BRWD1: variants seen among roughly 807,000 people sequenced by gnomAD.
BRWD1 encodes the protein bromodomain and WD repeat-containing protein 1.
In BRWD1, 82 loss-of-function variants were observed where a neutral mutation model predicts 251.2. That is an observed-to-expected ratio of 0.33 (90% CI 0.27 to 0.39). The LOEUF (loss-of-function observed/expected upper bound fraction) is 0.39. Ranked by LOEUF, BRWD1 falls within the 10% of genes least tolerant of loss-of-function variation. The pLI, the probability that BRWD1 is intolerant of heterozygous loss-of-function variation, is 1.00. For synonymous variants in BRWD1, 918 were observed against 902.8 expected (o/e 1.02, Z -0.30); for missense variants, 2,233 against 2,711.6 (o/e 0.82, Z 3.92).
chr21:39,271,485 T>C (rs538244711), intron 13 of BRWD1, among the ~76,000 whole-genome samples: 15 of 151,068 alleles, frequency 9.9e-5, no homozygotes, highest in African/African-American at 3.6e-4. Flanking sequence ...GTCAGGAGAT[T>C]GAGACCATCC....
chr21:39,314,456 A>T (rs9981349), upstream of BRWD1: 1 of 394,334 alleles, frequency 2.5e-6, no homozygotes, highest in Non-Finnish European at 5.1e-6. Context: ...GGTGGTGCAG[A>T]CGGGCCGCAG....
chr21:39,276,285 T>A, intron 11 of BRWD1, 72 bp from the exon 12 acceptor site: 1 of 1,421,940 alleles, frequency 7.0e-7, no homozygotes, highest in Non-Finnish European at 9.6e-7. Flanking sequence ...AATGAAGTTT[T>A]AATGCTAGAA....
intron 37 of BRWD1, among the ~76,000 whole-genome samples, chr21:39,202,867 T>C (rs1164091859): frequency 1.3e-5 from 2 of 152,218 alleles, no homozygotes; most frequent in Non-Finnish European, 2.9e-5. Context: ...AATATAGGTA[T>C]TCATTCATAC....
rs2035947209 is a variant in BRWD1 at position 39,295,809 on chromosome 21, C to T, written c.543G>A (p.Arg181=). ...AAACAGCAGATAGATGTCCGAGAAT[C>T]CTTCTGTGCATTTTTATATGCTGAT... ...TMYQHIKMHR[R]ILGHLSAVYC... is the part of the protein sequence containing the mutation. Residue 181 remains arginine, a synonymous_variant, in exon 7 of 41, where the codon AGG becomes AGA. Coordinates refer to ENST00000342449, the MANE Select transcript of BRWD1 (RefSeq NM_033656.4). 2.5e-6 allele frequency: 4 copies of T among 1,612,198 alleles called. No individual in the cohort carries two copies. The highest frequency in any genetic ancestry group is 3.4e-6 in the Non-Finnish European group (4 of 1,178,824).
chr21:39,238,958 C>T (rs903874608), intron 21 of BRWD1, among the ~76,000 whole-genome samples: 2 of 152,058 alleles, frequency 1.3e-5, no homozygotes, highest in Admixed American at 1.3e-4. Flanking sequence ...GGTAGCTTTT[C>T]ATATGGTTAT....
chr21:39,212,638 C>G, intron 34 of BRWD1, 28 bp downstream of exon 34: 1 of 1,508,976 alleles, frequency 6.6e-7, no homozygotes, highest in Non-Finnish European at 9.1e-7. Context: ...AAAGAAACTA[C>G]AAAAGTCAAC....
At chr21:39,274,580 G>A (rs1172720546) in intron 12 of BRWD1, 108 bp from the exon 13 acceptor site, 1 of 877,848 alleles carries the variant, frequency 1.1e-6, no homozygotes, top group Non-Finnish European at 1.8e-6. Flanking sequence ...CCTAACAACA[G>A]GACAATCCAC....
At chr21:39,297,221 A>G in intron 5 of BRWD1, 1 of 985,466 alleles carries the variant, frequency 1.0e-6, no homozygotes, top group Non-Finnish European at 1.2e-6. Flanking sequence ...CTCAAAGAAG[A>G]AAGGGAAGGC....
intron 29 of BRWD1, 116 bp from the exon 30 acceptor site, chr21:39,218,776 A>G (rs2033056260): frequency 2.4e-6 from 2 of 816,988 alleles, no homozygotes; most frequent in Non-Finnish European, 3.5e-6. Context: ...ACAGTCAAAA[A>G]TAGAGTTCAA....
intron 29 of BRWD1, among the ~76,000 whole-genome samples, chr21:39,220,268 A>C (rs1248230270): frequency 6.6e-6 from 1 of 152,172 alleles, no homozygotes; most frequent in East Asian, 1.9e-4. Context: ...GAACCAAATG[A>C]AAGTTCTGTG....
At position 39,296,337 on chromosome 21, in the gene BRWD1, A is replaced by G. The variant is rs370617995; in HGVS notation, c.376T>C (p.Ser126Pro). 6.3e-7 allele frequency: 1 copy of G among 1,597,208 alleles called. No homozygotes were observed. The highest frequency in any genetic ancestry group is 8.5e-7 in the Non-Finnish European group (1 of 1,173,374). ...KDCRHTVWKG[S>P]AFAALHRGRP... Reference sequence around the variant, plus strand: ...CCTCTATGAAGAGCAGCAAAGGCAGAGCCCTTCCAAACTGTGTGCCTGCAG... The same window carrying G: ...CCTCTATGAAGAGCAGCAAAGGCAGGGCCCTTCCAAACTGTGTGCCTGCAG... The change falls in exon 6 of 41, where the codon TCT (serine) becomes CCT (proline). Residue 126 changes from serine (S) to proline (P), a missense_variant. Coordinates refer to ENST00000342449, the MANE Select transcript of BRWD1 (RefSeq NM_033656.4).
intron 9 of BRWD1, 29 bp downstream of exon 9, chr21:39,280,119 A>T: frequency 6.7e-7 from 1 of 1,483,588 alleles, no homozygotes; most frequent in Non-Finnish European, 9.2e-7. Flanking sequence ...TTAAAAAACA[A>T]AACCTGTTAC....
intron 36 of BRWD1, among the ~76,000 whole-genome samples, chr21:39,209,587 T>A (rs2032567352): frequency 6.6e-6 from 1 of 152,244 alleles, no homozygotes; most frequent in Non-Finnish European, 1.5e-5. Flanking sequence ...GTTCTTATGC[T>A]GTCAGCAGTC....
At chr21:39,269,851 C>G in intron 15 of BRWD1, 48 bp downstream of exon 15, 1 of 1,396,448 alleles carries the variant, frequency 7.2e-7, no homozygotes, top group Non-Finnish European at 9.4e-7. Context: ...CCCAAATACT[C>G]TAAACAAATT....
At chr21:39,277,176 A>T (rs1425595603) in intron 11 of BRWD1, 75 bp downstream of exon 11, 3 of 993,310 alleles carry the variant, frequency 3.0e-6, no homozygotes, top group Non-Finnish European at 4.3e-6. Context: ...AGTAGAGCCA[A>T]TAACAATGCC....
In BRWD1 at chr21:39,189,468, G is replaced by A. The variant is rs1002733246; in HGVS notation, c.*6791C>T. Reference sequence around the variant, plus strand: ...ATTTGTCATCCAGAATAATGGAAAAGTTAAGATTCTGCAGGAAAAAAAAAA... The same window carrying A: ...ATTTGTCATCCAGAATAATGGAAAAATTAAGATTCTGCAGGAAAAAAAAAA... On this transcript the variant is annotated 3_prime_UTR_variant, in exon 41 of 41. Coordinates refer to ENST00000342449, the MANE Select transcript of BRWD1 (RefSeq NM_033656.4). 1.1e-5 allele frequency: 11 copies of A among 971,582 alleles called. No homozygotes were observed. Among genetic ancestry groups the A allele is most frequent in the African/African-American group, 5.3e-5 (3 of 56,708 alleles). 60.2% of individuals were successfully genotyped at this position (971,582 alleles called of 1,614,324 possible).
chr21:39,220,510 CACTT>C (rs1252141289), intron 29 of BRWD1, among the ~76,000 whole-genome samples: 3 of 152,252 alleles, frequency 2.0e-5, no homozygotes, highest in South Asian at 4.1e-4. Flanking sequence ...CAAAGTGTAA[CACTT>C]ACAGGAATAC....
At chr21:39,273,723 C>T (rs2035191526) in intron 13 of BRWD1, among the ~76,000 whole-genome samples, 1 of 152,226 alleles carries the variant, frequency 6.6e-6, no homozygotes, top group East Asian at 1.9e-4. Flanking sequence ...ACTGGCGCTC[C>T]AGCCTGGGCG....
Position 39,298,414 on chromosome 21 carries a change from T to A in BRWD1, c.349+18A>T. On this transcript the variant is annotated intron_variant, in intron 5 of 40. Transcript: ENST00000342449. ...AGGCTATTAATACAAAGCAGAACAC[T>A]TCTTCAAATTAAGGTACCTTTTGCT... is the stretch of plus-strand genomic sequence containing the variant. 6 of 1,565,152 alleles carry A rather than the reference T, an allele frequency of 3.8e-6. No individual in the cohort carries two copies. Among genetic ancestry groups the A allele is most frequent in the Non-Finnish European group, 5.2e-6 (6 of 1,162,280 alleles).
Sources: allele counts gnomAD v4.1 joint callset (sites outside exome capture counted in the v4.1 genomes callset), GRCh38; gene constraint gnomAD v4.1.1; transcripts MANE v1.5; gene names NCBI Gene and HGNC (gene_info 2026-07-23, HGNC 2026-07-21).